Variants in EXOC6 observed in about 807,000 individuals in gnomAD.
EXOC6 encodes the protein SEC15-like 1.
Under a neutral mutation model 112.5 loss-of-function variants are expected in EXOC6, and 60 were observed. The ratio of observed to expected loss-of-function variants is 0.53; its 90% CI spans 0.43 to 0.66. EXOC6 has a LOEUF of 0.66. EXOC6 is among the 30% of genes least tolerant of loss of function. The pLI is 0.00. For missense variants in EXOC6, 855 were observed against 957.1 expected (o/e 0.89, Z 1.41); for synonymous variants, 295 against 308.0 (o/e 0.96, Z 0.44).
At chr10:92,834,903 A>G in intron 1 of EXOC6, 2 of 779,380 alleles carry the variant, frequency 2.6e-6, no homozygotes, top group Non-Finnish European at 4.2e-6. Flanking sequence ...ATAATTCTTT[A>G]TAAGAGTAAA....
At chr10:92,837,405 T>G (rs996094072) in intron 1 of EXOC6, among the ~76,000 whole-genome samples, 25 of 152,216 alleles carry the variant, frequency 1.6e-4, no homozygotes, top group African/African-American at 6.0e-4. Context: ...ATGCAGTGGC[T>G]CATGCCTGTA....
chr10:92,934,163 A>G lies in EXOC6; in HGVS notation c.992A>G (p.Tyr331Cys), dbSNP rs1303340035. 4.5e-6 allele frequency: 7 copies of G among 1,542,640 alleles called. No homozygotes were observed. The highest frequency in any genetic ancestry group is 6.2e-6 in the Non-Finnish European group (7 of 1,124,730). Residue 331 changes from tyrosine to cysteine, a missense_variant, in exon 10 of 22, where the codon TAT becomes TGT. Coordinates refer to ENST00000260762, the MANE Select transcript of EXOC6 (RefSeq NM_019053.6). Reference sequence around the variant, plus strand: ...TTTAAGCATGAAACAGTTGATGGCTATAGAAGATATTTCACTCAAATTGTA... The same window carrying G: ...TTTAAGCATGAAACAGTTGATGGCTGTAGAAGATATTTCACTCAAATTGTA... ...QSNMHETVDG[Y>C]RRYFTQIVGF... is the part of the protein sequence containing the mutation.
At chr10:92,861,516 T>A (rs992301907) in intron 1 of EXOC6, among the ~76,000 whole-genome samples, 2 of 152,132 alleles carry the variant, frequency 1.3e-5, no homozygotes, top group African/African-American at 2.4e-5. Context: ...GAGCCCTTAT[T>A]CTCTCTGCCA....
intron 20 of EXOC6, among the ~76,000 whole-genome samples, chr10:93,048,605 A>C (rs1846117406): frequency 6.6e-6 from 1 of 151,960 alleles, no homozygotes; most frequent in Admixed American, 6.6e-5. Context: ...AAATTAAAAA[A>C]AATTAGCTGG....
rs114149353 is a variant in EXOC6 at position 92,897,901 on chromosome 10, T to C, written c.413-1698T>C. Among the ~76,000 whole-genome samples, 339 of 152,238 alleles carry C rather than the reference T, an allele frequency of 2.2e-3. 1 individual carries two copies. The highest frequency in any genetic ancestry group is 7.5e-3 in the African/African-American group (312 of 41,536). On this transcript the variant is annotated intron_variant, in intron 4 of 21. Coordinates refer to ENST00000260762, the MANE Select transcript of EXOC6 (RefSeq NM_019053.6). ...ATGTCTCATGTCTCTCTAAAATGTA[T>C]AAAAGCAAACTGTACGCCTGACGAC...
chr10:92,953,569 A>G (rs183147465), intron 15 of EXOC6, among the ~76,000 whole-genome samples: 4 of 152,288 alleles, frequency 2.6e-5, no homozygotes, highest in Admixed American at 2.0e-4. Flanking sequence ...ACTTGAAACT[A>G]GTGGATAGAG....
intron 20 of EXOC6, among the ~76,000 whole-genome samples, chr10:93,033,321 A>G (rs982342173): frequency 2.6e-5 from 4 of 152,210 alleles, no homozygotes; most frequent in African/African-American, 9.6e-5. Flanking sequence ...ACTGTATTTC[A>G]TAGTAGGTCA....
At chr10:92,933,313 G>A (rs979649427) in intron 9 of EXOC6, among the ~76,000 whole-genome samples, 1 of 152,036 alleles carries the variant, frequency 6.6e-6, no homozygotes, top group Non-Finnish European at 1.5e-5. Flanking sequence ...TGCTTAATAG[G>A]CTTCATCTAA....
intron 1 of EXOC6, among the ~76,000 whole-genome samples, chr10:92,878,512 T>A (rs1848784386): frequency 6.6e-6 from 1 of 152,128 alleles, no homozygotes; most frequent in East Asian, 1.9e-4. Flanking sequence ...CACAGTGTGT[T>A]TAGGGAGTGA....
intron 1 of EXOC6, among the ~76,000 whole-genome samples, chr10:92,871,498 C>CA (rs75179832): frequency 0.066 from 4,390 of 67,008 alleles, 106 homozygotes; most frequent in African/African-American, 0.12. Flanking sequence ...GACCCTGTCT[C>CA]AAAAAAAAAA....
intron 14 of EXOC6, 29 bp from the exon 15 acceptor site, chr10:92,952,242 CAA>C (rs890903062): frequency 1.4e-6 from 2 of 1,422,006 alleles, no homozygotes; most frequent in African/African-American, 2.9e-5. Context: ...TCTAAAATTT[CAA>C]AAACAATATT....
At chr10:92,971,074 C>T (rs970394494) in intron 17 of EXOC6, among the ~76,000 whole-genome samples, 9 of 151,918 alleles carry the variant, frequency 5.9e-5, no homozygotes, top group Non-Finnish European at 8.8e-5. Context: ...TTTTTTGAGA[C>T]GGAGTCTCGC....
At chr10:92,958,154 A>G (rs1251740855) in intron 17 of EXOC6, among the ~76,000 whole-genome samples, 1 of 152,224 alleles carries the variant, frequency 6.6e-6, no homozygotes, top group Non-Finnish European at 1.5e-5. Flanking sequence ...AAGAGGTTCA[A>G]TAAGTAGTTC....
At chr10:92,837,560 G>A (rs538760782) in intron 1 of EXOC6, among the ~76,000 whole-genome samples, 33 of 152,290 alleles carry the variant, frequency 2.2e-4, no homozygotes, top group African/African-American at 7.7e-4. Flanking sequence ...CTACTCGGGA[G>A]GCCAAAGGGG....
At chr10:92,874,736 T>C (rs1459350898) in intron 1 of EXOC6, among the ~76,000 whole-genome samples, 1 of 152,198 alleles carries the variant, frequency 6.6e-6, no homozygotes. Flanking sequence ...CAGCCAAACT[T>C]TTTGAAAGAC....
intron 1 of EXOC6, among the ~76,000 whole-genome samples, chr10:92,868,814 T>C (rs1848303248): frequency 2.1e-5 from 3 of 141,902 alleles, no homozygotes; most frequent in East Asian, 2.3e-4. Context: ...CCTCCCTCCC[T>C]CTTTTTTTTT....
chr10:92,884,667 ATTATT>A (rs1849125720), intron 1 of EXOC6, among the ~76,000 whole-genome samples: 1 of 152,242 alleles, frequency 6.6e-6, no homozygotes, highest in Non-Finnish European at 1.5e-5. Flanking sequence ...AAGTGTAGAC[ATTATT>A]TTAGTAAAAA....
At chr10:93,052,008 A>G (rs1225388534) in intron 20 of EXOC6, among the ~76,000 whole-genome samples, 1 of 152,210 alleles carries the variant, frequency 6.6e-6, no homozygotes, top group African/African-American at 2.4e-5. Flanking sequence ...CACGTTTACA[A>G]AAGCAAACCT....
At chr10:92,830,396 G>A (rs746574479), upstream of EXOC6, among the ~76,000 whole-genome samples, 6 of 152,122 alleles carry the variant, frequency 3.9e-5, no homozygotes, top group Non-Finnish European at 7.4e-5. Context: ...GCAGACTAAT[G>A]GGACAGTGAC....
Sources: allele counts gnomAD v4.1 joint callset (sites outside exome capture counted in the v4.1 genomes callset), GRCh38; gene constraint gnomAD v4.1.1; transcripts MANE v1.5; gene names NCBI Gene and HGNC (gene_info 2026-07-23, HGNC 2026-07-21).